DCBLD2: variants seen among roughly 807,000 people sequenced by gnomAD.
The protein encoded by DCBLD2 is discoidin, CUB and LCCL domain-containing protein 2.
In DCBLD2, 54 loss-of-function variants were observed where a neutral mutation model predicts 86.8. The observed-to-expected ratio is 0.62, with a 90% CI of 0.50 to 0.78. DCBLD2 has a LOEUF of 0.78. DCBLD2 is among the 30% of genes least tolerant of loss of function. The pLI, the probability that DCBLD2 is intolerant of heterozygous loss-of-function variation, is 0.00. For missense variants in DCBLD2, 908 were observed against 954.2 expected (o/e 0.95, Z 0.64); for synonymous variants, 354 against 341.3 (o/e 1.04, Z -0.41).
intron 2 of DCBLD2, among the ~76,000 whole-genome samples, 194 bp from the exon 3 acceptor site, chr3:98,849,792 G>A (rs1942800314): frequency 6.6e-6 from 1 of 152,020 alleles, no homozygotes; most frequent in Admixed American, 6.6e-5. Flanking sequence ...CTATTCAAAT[G>A]ATTCAAAAGG....
At chr3:98,826,581 G>A (rs1227910144) in intron 3 of DCBLD2, among the ~76,000 whole-genome samples, 3 of 152,150 alleles carry the variant, frequency 2.0e-5, no homozygotes, top group Non-Finnish European at 2.9e-5. Flanking sequence ...TGACTTGTTG[G>A]TGTAATTATA....
intron 3 of DCBLD2, among the ~76,000 whole-genome samples, chr3:98,846,724 G>C (rs1355937401): frequency 6.6e-6 from 1 of 152,114 alleles, no homozygotes; most frequent in East Asian, 1.9e-4. Flanking sequence ...ATAGAATATA[G>C]CCATTTGAAA....
chr3:98,867,699 G>T (rs531377530), intron 2 of DCBLD2, among the ~76,000 whole-genome samples: 1 of 152,088 alleles, frequency 6.6e-6, no homozygotes, highest in Non-Finnish European at 1.5e-5. Context: ...ATAATGGCAG[G>T]AGAGTTCAAT....
intron 3 of DCBLD2, among the ~76,000 whole-genome samples, chr3:98,836,366 T>C (rs1360249861): frequency 1.4e-5 from 2 of 148,124 alleles, no homozygotes; most frequent in African/African-American, 5.0e-5. Flanking sequence ...TTGTATAACA[T>C]GGAACGTTAG....
In DCBLD2 at chr3:98,857,170, G is replaced by A. The variant is rs144752402; in HGVS notation, c.434-7572C>T. The stretch of plus-strand genomic sequence containing the variant: ...TGGTGAGTGTTACAGCTCTTAAGGC[G>A]GCACGTCTGGAGTTGTTCATTCCTC... On this transcript the variant is annotated intron_variant, in intron 2 of 15. Coordinates refer to ENST00000326840, the MANE Select transcript of DCBLD2 (RefSeq NM_080927.4). Among the ~76,000 whole-genome samples, 381 of 152,108 alleles carry A rather than the reference G, an allele frequency of 2.5e-3. 6 individuals are homozygous for A. The highest frequency in any genetic ancestry group is 8.9e-3 in the African/African-American group (369 of 41,490).
rs1210826844 is a variant in DCBLD2 at position 98,798,251 on chromosome 3, A to G, written c.*1121T>C. 1 of 152,244 alleles carries G rather than the reference A, an allele frequency of 6.6e-6. No individual in the cohort carries two copies. Among genetic ancestry groups the G allele is most frequent in the Admixed American group, 6.5e-5 (1 of 15,280 alleles). 9.4% of individuals were successfully genotyped at this position (152,244 alleles called of 1,614,324 possible). On this transcript the variant is annotated 3_prime_UTR_variant, in exon 16 of 16. Transcript: ENST00000326840. Reference sequence around the variant, plus strand: ...ACACGTTAGGTTTATATTTTGTGTAACAGTTTATGGAAAACTGAAATGAAA... The same window carrying G: ...ACACGTTAGGTTTATATTTTGTGTAGCAGTTTATGGAAAACTGAAATGAAA...
chr3:98,862,733 A>C (rs1372297810), intron 2 of DCBLD2, among the ~76,000 whole-genome samples: 1 of 152,220 alleles, frequency 6.6e-6, no homozygotes, highest in African/African-American at 2.4e-5. Flanking sequence ...AAATAATAAG[A>C]GTTATTTATG....
At chr3:98,901,084 G>C (rs1485126743) in intron 1 of DCBLD2, 38 bp downstream of exon 1, 2 of 1,537,304 alleles carry the variant, frequency 1.3e-6, no homozygotes, top group South Asian at 2.4e-5. Context: ...AGCCCCGACG[G>C]AGGTTCCCCC....
intron 1 of DCBLD2, among the ~76,000 whole-genome samples, chr3:98,889,591 C>T (rs1196810017): frequency 1.3e-5 from 2 of 151,958 alleles, no homozygotes; most frequent in Non-Finnish European, 2.9e-5. Context: ...GGTAAAGATG[C>T]ACATAATTTT....
intron 6 of DCBLD2, among the ~76,000 whole-genome samples, chr3:98,821,776 G>A (rs1372270647): frequency 2.0e-5 from 3 of 152,058 alleles, no homozygotes; most frequent in African/African-American, 7.2e-5. Context: ...GGCTGGGCAC[G>A]GTGGGTCACG....
chr3:98,888,693 C>A (rs934447248), intron 1 of DCBLD2, among the ~76,000 whole-genome samples: 2 of 151,884 alleles, frequency 1.3e-5, no homozygotes, highest in Non-Finnish European at 2.9e-5. Flanking sequence ...TACAATCTGG[C>A]GAAAGTTAAG....
rs1029292652 is a variant in DCBLD2 at position 98,816,789 on chromosome 3, T to C, written c.1212+980A>G. Among the ~76,000 whole-genome samples, 8 of 152,172 alleles carry C rather than the reference T, an allele frequency of 5.3e-5. No homozygotes were observed. In the South Asian group the frequency reaches 1.7e-3, roughly 32 times the overall value. On this transcript the variant is annotated intron_variant, in intron 9 of 15. Coordinates refer to ENST00000326840, the MANE Select transcript of DCBLD2 (RefSeq NM_080927.4). Reference sequence around the variant, plus strand: ...ATGTCATCATTGTTTCAGTTCTTTTTTTTCCACTTTGAGACAGAGTCTCCC... The same window carrying C: ...ATGTCATCATTGTTTCAGTTCTTTTCTTTCCACTTTGAGACAGAGTCTCCC...
chr3:98,850,343 A>G (rs1942813879), intron 2 of DCBLD2, among the ~76,000 whole-genome samples: 1 of 152,164 alleles, frequency 6.6e-6, no homozygotes, highest in Non-Finnish European at 1.5e-5. Context: ...AAACAAACAA[A>G]CATAAATAAA....
chr3:98,824,903 G>C (rs1942188973), intron 4 of DCBLD2, among the ~76,000 whole-genome samples: 1 of 152,120 alleles, frequency 6.6e-6, no homozygotes. Flanking sequence ...CTAGGCAAGA[G>C]ACAAAGGCAT....
At chr3:98,836,951 C>T (rs1576171815) in intron 3 of DCBLD2, among the ~76,000 whole-genome samples, 19 of 80,366 alleles carry the variant, frequency 2.4e-4, no homozygotes, top group Admixed American at 1.3e-3. Flanking sequence ...CCGGACGGGG[C>T]GGCTGGCCGG....
intron 3 of DCBLD2, among the ~76,000 whole-genome samples, chr3:98,831,004 G>A (rs1576168151): frequency 2.0e-5 from 3 of 151,976 alleles, no homozygotes; most frequent in Non-Finnish European, 4.4e-5. Flanking sequence ...TGGCAATTGT[G>A]AATGGGATTG....
intron 13 of DCBLD2, among the ~76,000 whole-genome samples, chr3:98,807,742 G>A (rs1941865949): frequency 6.6e-6 from 1 of 152,148 alleles, no homozygotes; most frequent in South Asian, 2.1e-4. Context: ...CAAACCACAT[G>A]ATATAGTTCC....
At chr3:98,839,169 T>C (rs1280410832) in intron 3 of DCBLD2, among the ~76,000 whole-genome samples, 2 of 58,466 alleles carry the variant, frequency 3.4e-5, no homozygotes, top group Non-Finnish European at 7.2e-5. Flanking sequence ...CTTTCTTTCT[T>C]TCCTTTCTTT....
chr3:98,871,618 G>T (rs1943283486), intron 2 of DCBLD2, among the ~76,000 whole-genome samples: 1 of 152,050 alleles, frequency 6.6e-6, no homozygotes. Flanking sequence ...TGCATTCCTG[G>T]TATGAAACCC....
Sources: allele counts gnomAD v4.1 joint callset (sites outside exome capture counted in the v4.1 genomes callset), GRCh38; gene constraint gnomAD v4.1.1; transcripts MANE v1.5; gene names NCBI Gene and HGNC (gene_info 2026-07-23, HGNC 2026-07-21).